The following SIN3B variants were observed in gnomAD, a reference collection of about 807,000 sequenced individuals.
SIN3B encodes paired amphipathic helix protein Sin3b.
A neutral mutation model predicts 120.2 loss-of-function variants in SIN3B; 19 were observed. That is an observed-to-expected ratio of 0.16 (90% CI 0.11 to 0.23). The LOEUF (loss-of-function observed/expected upper bound fraction) is 0.23, where lower values mean the gene tolerates loss of function less well. Among genes scored for constraint, SIN3B ranks in the 10% least tolerant of loss-of-function variants. The probability of loss-of-function intolerance (pLI) is 1.00; values close to 1 mark genes in which losing one functional copy is unlikely to be tolerated. For missense variants in SIN3B, 1,073 were observed against 1,573.0 expected (o/e 0.68, Z 5.38); for synonymous variants, 654 against 653.2 (o/e 1.00, Z -0.02).
intron 12 of SIN3B, 31 bp downstream of exon 12, chr19:16,866,587 G>A: frequency 6.2e-7 from 1 of 1,607,720 alleles, no homozygotes; most frequent in Admixed American, 1.7e-5. Context: ...GCCGGCCGGT[G>A]GGGGTGGGGT....
intron 8 of SIN3B, among the ~76,000 whole-genome samples, chr19:16,857,386 G>A (rs140529837): frequency 8.0e-4 from 122 of 152,016 alleles, no homozygotes; most frequent in Middle Eastern, 3.4e-3. Context: ...GCCTCAAAGA[G>A]TGTGTTTATG....
intron 3 of SIN3B, 120 bp from the exon 4 acceptor site, chr19:16,841,648 A>G (rs1971418210): frequency 1.1e-6 from 1 of 941,754 alleles, no homozygotes; most frequent in African/African-American, 1.6e-5. Context: ...CCTGTCTCTA[A>G]TACAGCTTGG....
rs1971696695 is a variant in SIN3B at position 16,862,086 on chromosome 19, C to T, written c.1059-266C>T. On this transcript the variant is annotated intron_variant, in intron 8 of 18. Coordinates refer to ENST00000248054, the MANE Select transcript of SIN3B (RefSeq NM_001297595.2). The surrounding 1 kb of genome is among the most constrained non-coding windows in gnomAD (Gnocchi z 4.7). ...TTAAGTCATCTTTTCTGGTGTATTTCAAAGCCTTACTGTGAGTATGGGATT... is the reference window on the plus strand; with the variant it reads ...TTAAGTCATCTTTTCTGGTGTATTTTAAAGCCTTACTGTGAGTATGGGATT... Among the ~76,000 whole-genome samples the T allele has an allele frequency of 1.3e-5, 2 of 152,182 alleles. No homozygotes were observed. Among genetic ancestry groups the T allele is most frequent in the Non-Finnish European group, 2.9e-5 (2 of 68,048 alleles).
chr19:16,855,380 C>CCA (rs1555741882), intron 8 of SIN3B: 3 of 117,110 alleles, frequency 2.6e-5, no homozygotes, highest in African/African-American at 9.5e-5. Context: ...TCCCCCCCCC[C>CCA]CCCCCAGCAA....
At position 16,831,584 on chromosome 19, in the gene SIN3B, C is replaced by T. The variant is rs779213696; in HGVS notation, c.318C>T (p.Leu106=). The part of the protein sequence containing the change: ...LIVGFNAFLP[L]GYRIDIPKNG... ...TTGGATTCAACGCTTTTCTTCCCCT[C>T]GGATATAGAATAGACATTCCCAAGA... The change falls in exon 3 of 19, where the codon CTC becomes CTT. Residue 106 remains leucine (L), a synonymous_variant. Coordinates refer to ENST00000248054, the MANE Select transcript of SIN3B (RefSeq NM_001297595.2). 8.1e-6 allele frequency: 13 copies of T among 1,613,938 alleles called. No homozygotes were observed. The highest frequency in any genetic ancestry group is 1.6e-4 in the Middle Eastern group (1 of 6,084).
intron 14 of SIN3B, among the ~76,000 whole-genome samples, chr19:16,875,308 TGGGTC>T (rs2051578373): frequency 6.9e-6 from 1 of 144,500 alleles, no homozygotes; most frequent in Admixed American, 6.8e-5. Flanking sequence ...TGGTCTGGTT[TGGGTC>T]TGGTCTGGTT....
chr19:16,865,945 C>T (rs1971765783), intron 11 of SIN3B, among the ~76,000 whole-genome samples: 1 of 152,228 alleles, frequency 6.6e-6, no homozygotes, highest in African/African-American at 2.4e-5. Flanking sequence ...CTGTGGCTTG[C>T]ATTTTATTTA....
Position 16,841,794 on chromosome 19 carries a change from T to C in SIN3B, c.408T>C (p.Gly136=). 1.2e-6 allele frequency: 2 copies of C among 1,613,988 alleles called. No homozygotes were observed. The highest frequency in any genetic ancestry group is 2.2e-5 in the South Asian group (2 of 91,074). ...SQENSHNHGD[G]AEDFKQQVPY... is the part of the protein sequence containing the mutation. ...AGAATTCGCACAACCACGGGGACGGTGCAGAGGACTTCAAGCAGCAGGTGC... is the reference window on the plus strand; with the variant it reads ...AGAATTCGCACAACCACGGGGACGGCGCAGAGGACTTCAAGCAGCAGGTGC... The change falls in exon 4 of 19, where the codon GGT becomes GGC. Residue 136 remains glycine, a synonymous_variant. Transcript: ENST00000248054.
intron 3 of SIN3B, among the ~76,000 whole-genome samples, chr19:16,832,695 G>C (rs1396671285): frequency 5.3e-5 from 8 of 151,714 alleles, no homozygotes; most frequent in Non-Finnish European, 1.2e-4. Context: ...TAGCGACAGG[G>C]TCTCACTATG....
At position 16,829,773 on chromosome 19, in the gene SIN3B, CCCT is replaced by C. The variant is rs1568409962; in HGVS notation, c.121-15_121-13del. Reference sequence around the variant, plus strand: ...GTTCCGCGGCCAGGGCCCACCGGGACCCTCCCCCTCTCTGCAGGTAGAAGACGC... The same window carrying C: ...GTTCCGCGGCCAGGGCCCACCGGGACCCCCCTCTCTGCAGGTAGAAGACGC... On this transcript the variant is annotated splice_polypyrimidine_tract_variant and intron_variant, in intron 1 of 18. Coordinates refer to ENST00000248054, the MANE Select transcript of SIN3B (RefSeq NM_001297595.2). The C allele has an allele frequency of 6.7e-7, 1 of 1,490,286 alleles. No homozygotes were observed. Among genetic ancestry groups the C allele is most frequent in the East Asian group, 2.3e-5 (1 of 44,188 alleles). 92.3% of individuals were successfully genotyped at this position (1,490,286 alleles called of 1,614,324 possible).
chr19:16,834,180 C>T (rs1056526506), intron 3 of SIN3B, among the ~76,000 whole-genome samples: 11 of 152,142 alleles, frequency 7.2e-5, no homozygotes, highest in Admixed American at 3.9e-4. Flanking sequence ...AGAACAGTCA[C>T]GACTGCGGGA....
Position 16,878,225 on chromosome 19 carries a change from G to A in SIN3B, c.2997G>A (p.Ala999=), listed in dbSNP as rs372435666. ...KFRRRWQSEQ[A]RALRGEARSS... ...GCCGCCGGTGGCAGAGCGAGCAGGC[G>A]CGGGCCCTGCGCGGTGAGGCCAGGA... Residue 999 remains alanine, a synonymous_variant, in exon 18 of 19, where the codon GCG becomes GCA. Transcript: ENST00000248054. 4.6e-5 allele frequency: 73 copies of A among 1,596,812 alleles called. No individual in the cohort carries two copies. Among genetic ancestry groups the A allele is most frequent in the African/African-American group, 2.0e-4 (15 of 74,626 alleles).
chr19:16,846,012 A>T (rs1414878925), intron 4 of SIN3B, among the ~76,000 whole-genome samples: 1 of 152,178 alleles, frequency 6.6e-6, no homozygotes, highest in Non-Finnish European at 1.5e-5. Flanking sequence ...GACTGAAGCC[A>T]GTCTCCTGCC....
chr19:16,857,517 ATGTGTGTGTGTGTGTGTG>A (rs72233219), intron 8 of SIN3B, among the ~76,000 whole-genome samples: 1 of 93,370 alleles, frequency 1.1e-5, no homozygotes, highest in African/African-American at 3.8e-5. Flanking sequence ...TAAAAAAAAT[ATGTGTGTGTGTGTGTGTG>A]TGTGTGTGTG....
At chr19:16,830,112 G>A (rs1430290566) in intron 2 of SIN3B, among the ~76,000 whole-genome samples, 1 of 152,248 alleles carries the variant, frequency 6.6e-6, no homozygotes. Flanking sequence ...AAGCAGGACA[G>A]GGATCTGGGG....
intron 8 of SIN3B, among the ~76,000 whole-genome samples, chr19:16,857,517 A>ATGTGTGTGTGTGTGTGTGTG (rs72233219): frequency 4.7e-4 from 44 of 93,474 alleles, no homozygotes; most frequent in Non-Finnish European, 6.0e-4. Flanking sequence ...TAAAAAAAAT[A>ATGTGTGTGTGTGTGTGTGTG]TGTGTGTGTG....
At chr19:16,875,524 C>CTGGTCTGGTCTGTT (rs1247680723) in intron 14 of SIN3B, among the ~76,000 whole-genome samples, 3 of 131,704 alleles carry the variant, frequency 2.3e-5, no homozygotes, top group Non-Finnish European at 4.7e-5. Context: ...TCTGTTTGGT[C>CTGGTCTGGTCTGTT]TGGTCTGGTC....
chr19:16,849,004 T>C (rs1413608982), intron 5 of SIN3B, among the ~76,000 whole-genome samples: 1 of 152,252 alleles, frequency 6.6e-6, no homozygotes, highest in Non-Finnish European at 1.5e-5. Context: ...CATGAGACTC[T>C]CAAATAACAT....
intron 12 of SIN3B, among the ~76,000 whole-genome samples, chr19:16,868,243 G>A (rs1316039940): frequency 2.0e-5 from 3 of 152,212 alleles, no homozygotes; most frequent in Non-Finnish European, 4.4e-5. Context: ...GCAGGGCTGA[G>A]CGTGCAGACT....
Sources: allele counts gnomAD v4.1 joint callset (sites outside exome capture counted in the v4.1 genomes callset), GRCh38; gene constraint gnomAD v4.1.1; non-coding constraint Gnocchi (gnomAD v3.1); transcripts MANE v1.5; gene names NCBI Gene and HGNC (gene_info 2026-07-23, HGNC 2026-07-21).